Variants in EFHC2 observed in about 807,000 individuals in gnomAD.
EFHC2 encodes the protein EF-hand domain-containing family member C2.
EFHC2 carries 18 observed loss-of-function variants against 52.7 expected under a neutral mutation model. The observed-to-expected ratio is 0.34, with a 90% CI of 0.24 to 0.51. The LOEUF is 0.51. Among genes scored for constraint, EFHC2 ranks in the 20% least tolerant of loss-of-function variants. EFHC2 has a pLI of 0.97. For synonymous variants in EFHC2, 203 were observed against 204.1 expected (o/e 0.99, Z 0.04); for missense variants, 513 against 562.5 (o/e 0.91, Z 0.89).
In EFHC2 at chrX:44,163,993, A is replaced by C. The variant is rs2036677310; in HGVS notation, c.2077T>G (p.Ser693Ala). The change falls in exon 14 of 15, where the codon TCA (serine) becomes GCA (alanine). Residue 693 changes from serine to alanine, a missense_variant. Coordinates refer to ENST00000420999, the MANE Select transcript of EFHC2 (RefSeq NM_025184.4). Reference protein sequence around the residue: ...EDSEKQIDYKSFFSALNWRKN... With the variant: ...EDSEKQIDYKAFFSALNWRKN... ...CTCCAGTTCAGGGCAGAGAAAAATG[A>C]CTTATAATCTATTTGTTTTTCACTG... 1 of 1,153,562 alleles carries C rather than the reference A, an allele frequency of 8.7e-7. No homozygotes were observed. Among genetic ancestry groups the C allele is most frequent in the African/African-American group, 1.8e-5 (1 of 55,671 alleles).
chrX:44,172,012 G>A (rs2036749540), intron 13 of EFHC2, among the ~76,000 whole-genome samples: 1 of 111,960 alleles, frequency 8.9e-6, no homozygotes, highest in African/African-American at 3.2e-5. Context: ...GAAATCACAG[G>A]AGCACTAACC....
At chrX:44,204,234 CAA>C (rs61512189) in intron 11 of EFHC2, among the ~76,000 whole-genome samples, 39 of 55,457 alleles carry the variant, frequency 7.0e-4, no homozygotes, top group African/African-American at 1.8e-3. Flanking sequence ...GTAGCAAACC[CAA>C]AAAAAAAAAA....
chrX:44,202,268 C>T (rs757696038), intron 11 of EFHC2, among the ~76,000 whole-genome samples: 2 of 111,310 alleles, frequency 1.8e-5, no homozygotes, highest in South Asian at 7.6e-4. Context: ...CAAAAATCAG[C>T]CGGGCGTGGT....
Position 44,178,571 on chromosome X carries a change from T to C in EFHC2, c.1752-7A>G. 2 of 1,155,194 alleles carry C rather than the reference T, an allele frequency of 1.7e-6. No homozygotes were observed. The highest frequency in any genetic ancestry group is 2.3e-6 in the Non-Finnish European group (2 of 866,559). ...CAAAGACATCAATATGTCTCTGTAATAAAAATGGAAAAACATTTATAAACT... is the reference window on the plus strand; with the variant it reads ...CAAAGACATCAATATGTCTCTGTAACAAAAATGGAAAAACATTTATAAACT... On this transcript the variant is annotated splice_polypyrimidine_tract_variant and splice_region_variant and intron_variant, in intron 11 of 14. Transcript: ENST00000420999.
chrX:44,234,416 G>T (rs1213778937), intron 9 of EFHC2, among the ~76,000 whole-genome samples: 2 of 112,021 alleles, frequency 1.8e-5, no homozygotes, highest in African/African-American at 3.2e-5. Flanking sequence ...AAATCACTCT[G>T]GAGCCTTAGT....
chrX:44,341,858 C>T (rs1449705320), intron 1 of EFHC2, among the ~76,000 whole-genome samples: 1 of 112,372 alleles, frequency 8.9e-6, no homozygotes, highest in Non-Finnish European at 1.9e-5. Flanking sequence ...AAAATATACG[C>T]AGAACCTTGC....
rs372326133 is a variant in EFHC2 at position 44,327,807 on chromosome X, C to T, written c.43-15051G>A. 3.0e-4 allele frequency among the ~76,000 whole-genome samples: 33 copies of T among 111,763 alleles called. No individual in the cohort carries two copies. The South Asian group carries it at 0.012, about 42-fold the overall frequency. On this transcript the variant is annotated intron_variant, in intron 1 of 14. Transcript: ENST00000420999. ...AAATGTGCAAATTAAAAAGGCACGTCAAAGAAAATCTCAAACATTTTTTAA... is the reference window on the plus strand; with the variant it reads ...AAATGTGCAAATTAAAAAGGCACGTTAAAGAAAATCTCAAACATTTTTTAA...
chrX:44,222,031 T>G (rs748783114), intron 11 of EFHC2, among the ~76,000 whole-genome samples: 1 of 112,105 alleles, frequency 8.9e-6, no homozygotes, highest in East Asian at 2.8e-4. Flanking sequence ...TACAATCATA[T>G]TTGGATTCTA....
chrX:44,191,261 G>C (rs113640676), intron 11 of EFHC2, among the ~76,000 whole-genome samples: 1,420 of 110,632 alleles, frequency 0.013, 22 homozygotes, highest in African/African-American at 0.045. Flanking sequence ...TTGAGACAGA[G>C]TTTTACTCTT....
intron 11 of EFHC2, among the ~76,000 whole-genome samples, chrX:44,188,438 C>A (rs2036894540): frequency 9.0e-6 from 1 of 111,508 alleles, no homozygotes; most frequent in African/African-American, 3.3e-5. Flanking sequence ...GTCCATGAAT[C>A]CATTCATTCA....
chrX:44,170,213 C>T (rs2036733956), intron 13 of EFHC2, among the ~76,000 whole-genome samples: 1 of 110,941 alleles, frequency 9.0e-6, no homozygotes, highest in East Asian at 2.8e-4. Context: ...AGAAGTGCTA[C>T]TAGTCAGGAG....
At chrX:44,309,357 G>A (rs1341100954) in intron 2 of EFHC2, 3 of 785,983 alleles carry the variant, frequency 3.8e-6, no homozygotes, top group Non-Finnish European at 5.9e-6. Context: ...TTTTGGACTT[G>A]ACACCACTCC....
At chrX:44,337,505 T>C (rs1206182442) in intron 1 of EFHC2, among the ~76,000 whole-genome samples, 1 of 111,721 alleles carries the variant, frequency 9.0e-6, no homozygotes, top group Non-Finnish European at 1.9e-5. Flanking sequence ...TGATAACCCT[T>C]TGTGAGAAAG....
At chrX:44,162,039 T>C (rs2036659054) in intron 14 of EFHC2, among the ~76,000 whole-genome samples, 1 of 112,078 alleles carries the variant, frequency 8.9e-6, no homozygotes, top group African/African-American at 3.3e-5. Context: ...GCTAAGAGGA[T>C]TAAATAAGCT....
At chrX:44,241,823 C>A (rs1236202023) in intron 8 of EFHC2, among the ~76,000 whole-genome samples, 2 of 112,079 alleles carry the variant, frequency 1.8e-5, no homozygotes, top group Non-Finnish European at 3.8e-5. Context: ...TTGTTAACTC[C>A]TACTCTACAT....
At chrX:44,172,251 C>T (rs2036751406) in intron 13 of EFHC2, among the ~76,000 whole-genome samples, 1 of 111,843 alleles carries the variant, frequency 8.9e-6, no homozygotes, top group Non-Finnish European at 1.9e-5. Context: ...TATTCCAAGT[C>T]TAGATTCAGA....
At chrX:44,205,279 G>A (rs192402973) in intron 11 of EFHC2, among the ~76,000 whole-genome samples, 165 of 111,287 alleles carry the variant, frequency 1.5e-3, no homozygotes, top group African/African-American at 4.9e-3. Flanking sequence ...GCCTTATGAA[G>A]CAACTACACA....
intron 11 of EFHC2, among the ~76,000 whole-genome samples, chrX:44,226,004 C>T (rs2147316842): frequency 8.9e-6 from 1 of 112,240 alleles, no homozygotes; most frequent in East Asian, 2.8e-4. Flanking sequence ...CAAGTAACAA[C>T]TTGACAGGAG....
chrX:44,251,597 T>TAAAAAAAAAAAAAAAA lies in EFHC2; in HGVS notation c.607-1168_607-1153dup, dbSNP rs566022760. On this transcript the variant is annotated intron_variant, in intron 4 of 14. Transcript: ENST00000420999. ...GCCTGGGTGACAGAGCAATACTCTG[T>TAAAAAAAAAAAAAAAA]AAAAAAAAAAAAAAAAAAAAAAAAA... Among the ~76,000 whole-genome samples the TAAAAAAAAAAAAAAAA allele has an allele frequency of 3.2e-4, 4 of 12,546 alleles. 1 individual carries two copies. The highest frequency in any genetic ancestry group is 6.2e-4 in the Non-Finnish European group (4 of 6,468). The allele number at this position is 12,546 out of a possible 115,157, so 10.9% of individuals were successfully genotyped here.
Sources: gnomAD v4.1 joint callset for allele counts (sites outside exome capture counted in the v4.1 genomes callset) on GRCh38, gnomAD v4.1.1 for gene constraint, MANE v1.5 for transcripts, NCBI Gene and HGNC (gene_info 2026-07-23, HGNC 2026-07-21) for gene names.